The following RAMP3 variants were observed in gnomAD, a reference collection of about 807,000 sequenced individuals.
RAMP3 encodes receptor activity modifying protein 3, also known as receptor activity-modifying protein 3.
RAMP3 carries 14 observed loss-of-function variants against 13.5 expected under a neutral mutation model. The observed-to-expected ratio is 1.04, with a 90% confidence interval of 0.69 to 1.63. RAMP3 has a LOEUF of 1.63. RAMP3 is among the 40% of genes most tolerant of loss of function. RAMP3 has a pLI of 0.00. For missense variants in RAMP3, 200 were observed against 204.8 expected (o/e 0.98, Z 0.14); for synonymous variants, 106 against 88.3 (o/e 1.20, Z -1.12).
intron 2 of RAMP3, among the ~76,000 whole-genome samples, chr7:45,180,472 C>T (rs747919347): frequency 2.6e-5 from 4 of 152,194 alleles, no homozygotes; most frequent in Admixed American, 6.5e-5. Context: ...CATCAGGAGT[C>T]GAGTCATGGC....
intron 1 of RAMP3, among the ~76,000 whole-genome samples, chr7:45,176,387 T>TACACACACACACAC (rs57539624): frequency 1.8e-3 from 270 of 147,722 alleles, no homozygotes; most frequent in African/African-American, 6.4e-3. Flanking sequence ...GCTGTGTACC[T>TACACACACACACAC]ACACACACAC....
At chr7:45,182,376 C>T (rs1411818403) in intron 2 of RAMP3, among the ~76,000 whole-genome samples, 2 of 152,130 alleles carry the variant, frequency 1.3e-5, no homozygotes, top group Non-Finnish European at 1.5e-5. Flanking sequence ...GTCATCACCT[C>T]CACAGGCTGC....
intron 1 of RAMP3, among the ~76,000 whole-genome samples, chr7:45,174,961 A>C (rs1346230292): frequency 6.6e-6 from 1 of 152,196 alleles, no homozygotes. Flanking sequence ...GACAGTGGGT[A>C]CTGAGCCACC....
intron 1 of RAMP3, among the ~76,000 whole-genome samples, chr7:45,160,800 AT>A (rs1341512959): frequency 6.6e-6 from 1 of 152,222 alleles, no homozygotes; most frequent in Non-Finnish European, 1.5e-5. Context: ...ATGGATTTCT[AT>A]TTTGATTCAG....
At chr7:45,167,870 GCC>G (rs1486357537) in intron 1 of RAMP3, among the ~76,000 whole-genome samples, 1 of 152,094 alleles carries the variant, frequency 6.6e-6, no homozygotes, top group Non-Finnish European at 1.5e-5. Context: ...ACAAGCGTGA[GCC>G]ACCTCGCCTG....
chr7:45,169,548 G>A (rs897913479), intron 1 of RAMP3, among the ~76,000 whole-genome samples: 1 of 152,166 alleles, frequency 6.6e-6, no homozygotes, highest in African/African-American at 2.4e-5. Context: ...ACCATAATCT[G>A]GGTGACTTAA....
intron 1 of RAMP3, among the ~76,000 whole-genome samples, chr7:45,177,020 A>G (rs1786200981): frequency 6.6e-6 from 1 of 152,150 alleles, no homozygotes; most frequent in South Asian, 2.1e-4. Context: ...CCTCCCAAGG[A>G]GTTTGGCCCA....
chr7:45,158,464 G>T (rs371598769), intron 1 of RAMP3, among the ~76,000 whole-genome samples: 74 of 152,344 alleles, frequency 4.9e-4, no homozygotes, highest in African/African-American at 1.7e-3. Context: ...TCTTCGGCAA[G>T]AAATCAGGAC....
At chr7:45,167,766 A>G (rs553145687) in intron 1 of RAMP3, among the ~76,000 whole-genome samples, 2 of 151,762 alleles carry the variant, frequency 1.3e-5, no homozygotes, top group African/African-American at 4.8e-5. Context: ...TTGTATTTTT[A>G]GTAGAGACGG....
intron 1 of RAMP3, among the ~76,000 whole-genome samples, chr7:45,160,126 A>G (rs1785835174): frequency 6.6e-6 from 1 of 151,772 alleles, no homozygotes; most frequent in African/African-American, 2.4e-5. Flanking sequence ...AGGTCAGGAG[A>G]TCGAGACCAT....
chr7:45,180,108 A>C (rs765175032), intron 2 of RAMP3, among the ~76,000 whole-genome samples: 19 of 152,270 alleles, frequency 1.2e-4, no homozygotes, highest in Non-Finnish European at 8.8e-5. Flanking sequence ...ACCTTTCTCA[A>C]GCTCTGGCGG....
chr7:45,163,889 G>T, intron 1 of RAMP3: 1 of 985,224 alleles, frequency 1.0e-6, no homozygotes. Flanking sequence ...TTGAAGGGAC[G>T]CCAGCTTCAG....
chr7:45,167,654 C>T (rs1026764661), intron 1 of RAMP3, among the ~76,000 whole-genome samples: 1 of 151,812 alleles, frequency 6.6e-6, no homozygotes, highest in Non-Finnish European at 1.5e-5. Context: ...ACCTCCGCCT[C>T]CCGGGTTCAA....
intron 1 of RAMP3, among the ~76,000 whole-genome samples, chr7:45,175,674 T>G (rs950849900): frequency 3.3e-5 from 5 of 152,176 alleles, no homozygotes; most frequent in Non-Finnish European, 7.3e-5. Context: ...ACACCTGTCC[T>G]CTGTATGTGC....
At chr7:45,163,777 C>T (rs1385464966) in intron 1 of RAMP3, 2 of 985,356 alleles carry the variant, frequency 2.0e-6, no homozygotes, top group Middle Eastern at 5.2e-4. Context: ...AGGATGAGGT[C>T]TCTGTCTTCT....
At chr7:45,182,643 T>G (rs1454412623) in intron 2 of RAMP3, among the ~76,000 whole-genome samples, 1 of 152,172 alleles carries the variant, frequency 6.6e-6, no homozygotes, top group Admixed American at 6.5e-5. Context: ...AGGCAGGGAC[T>G]GGGGCTCACA....
intron 1 of RAMP3, among the ~76,000 whole-genome samples, chr7:45,171,954 T>C (rs2128657043): frequency 6.6e-6 from 1 of 152,342 alleles, no homozygotes; most frequent in South Asian, 2.1e-4. Flanking sequence ...CAGAATGACA[T>C]CTCTGCTCCA....
intron 2 of RAMP3, among the ~76,000 whole-genome samples, chr7:45,180,157 G>A (rs1480085681): frequency 6.6e-6 from 1 of 152,268 alleles, no homozygotes; most frequent in Non-Finnish European, 1.5e-5. Context: ...GACAAAAGAA[G>A]CTATGAGATT....
chr7:45,184,162 G>C lies in RAMP3; in HGVS notation c.*750G>C, dbSNP rs1329652713. The C allele has an allele frequency of 2.5e-6, 1 of 398,660 alleles. No individual in the cohort carries two copies. Among genetic ancestry groups the C allele is most frequent in the Non-Finnish European group, 4.4e-6 (1 of 226,190 alleles). The allele number at this position is 398,660 out of a possible 1,614,324, so 24.7% of individuals were successfully genotyped here. On this transcript the variant is annotated 3_prime_UTR_variant, in exon 3 of 3. Transcript: ENST00000242249. ...CTACAGGGGCTCCTCTGTGGGTGAG[G>C]GGCCCTCTGGAATGGCATCCCATGA...
Sources: allele counts gnomAD v4.1 joint callset (sites outside exome capture counted in the v4.1 genomes callset), GRCh38; gene constraint gnomAD v4.1.1; transcripts MANE v1.5; gene names NCBI Gene and HGNC (gene_info 2026-07-23, HGNC 2026-07-21).